Variants in GSTO2 observed in about 807,000 individuals in gnomAD.
GSTO2 encodes glutathione S-transferase omega-2.
GSTO2 carries 23 observed loss-of-function variants against 28.4 expected under a neutral mutation model. The ratio of observed to expected loss-of-function variants is 0.81; its 90% CI spans 0.58 to 1.15. The LOEUF is 1.15. GSTO2 is among the 50% of genes most tolerant of loss of function. The pLI, the probability that GSTO2 is intolerant of heterozygous loss-of-function variation, is 0.00. For synonymous variants in GSTO2, 109 were observed against 111.0 expected, an observed-to-expected ratio of 0.98 and a Z score of 0.11; for missense variants, 298 against 297.8, an observed-to-expected ratio of 1.00 and a Z score of 0.00.
In GSTO2 at chr10:104,272,535, A is replaced by G. The variant is rs548424135; in HGVS notation, c.-231-2150A>G. ...TAGTTGAGAAGTGCTTAACTATGCT[A>G]GTCTCAGTTTACTCATCTTTTAAAG... is the stretch of plus-strand genomic sequence containing the variant. On this transcript the variant is annotated intron_variant, in intron 1 of 6. Coordinates refer to ENST00000338595, the MANE Select transcript of GSTO2 (RefSeq NM_183239.2). Among the ~76,000 whole-genome samples, 11 of 138,530 alleles carry G rather than the reference A, an allele frequency of 7.9e-5. 1 individual carries two copies. Among genetic ancestry groups the G allele is most frequent in the African/African-American group, 2.9e-4 (11 of 38,404 alleles). The allele number at this position is 138,530 out of a possible 152,430, so 90.9% of individuals were successfully genotyped here. A position where few individuals can be genotyped will look rare whatever the true frequency, so the allele number is the denominator to read the frequency against.
At chr10:104,276,546 C>T (rs2011642021) in intron 3 of GSTO2, among the ~76,000 whole-genome samples, 1 of 152,204 alleles carries the variant, frequency 6.6e-6, no homozygotes, top group Admixed American at 6.5e-5. Context: ...CTATGCACTA[C>T]CTTCAGTTGT....
intron 5 of GSTO2, among the ~76,000 whole-genome samples, chr10:104,283,527 G>A (rs1045461902): frequency 6.6e-6 from 1 of 152,214 alleles, no homozygotes; most frequent in African/African-American, 2.4e-5. Context: ...TCTGGAGGCT[G>A]AGGCGGGAGC....
intron 1 of GSTO2, among the ~76,000 whole-genome samples, chr10:104,272,538 C>G (rs1196175189): frequency 1.5e-5 from 2 of 136,788 alleles, no homozygotes; most frequent in African/African-American, 2.7e-5. Context: ...CTATGCTAGT[C>G]TCAGTTTACT....
chr10:104,275,357 C>G, intron 3 of GSTO2, 23 bp downstream of exon 3: 2 of 1,611,392 alleles, frequency 1.2e-6, no homozygotes, highest in East Asian at 2.2e-5. Context: ...AACCCAGAGC[C>G]CCCGAGCAAA....
intron 1 of GSTO2, among the ~76,000 whole-genome samples, chr10:104,272,030 C>A (rs916658066): frequency 4.6e-5 from 7 of 152,160 alleles, no homozygotes; most frequent in Non-Finnish European, 8.8e-5. Flanking sequence ...ATATGAAATT[C>A]ACCAAGAGTG....
intron 5 of GSTO2, among the ~76,000 whole-genome samples, chr10:104,280,467 CG>C (rs1423250475): frequency 2.6e-5 from 4 of 152,198 alleles, no homozygotes; most frequent in African/African-American, 9.6e-5. Context: ...ATTTACATTT[CG>C]TTGGCCAGAA....
intron 5 of GSTO2, among the ~76,000 whole-genome samples, chr10:104,286,287 G>A (rs983949124): frequency 3.9e-5 from 6 of 152,184 alleles, no homozygotes; most frequent in Non-Finnish European, 5.9e-5. Flanking sequence ...GCTGTACGCA[G>A]CCACTGATCT....
intron 3 of GSTO2, 111 bp downstream of exon 3, chr10:104,275,445 C>T (rs2011587849): frequency 3.3e-6 from 3 of 912,712 alleles, no homozygotes; most frequent in Non-Finnish European, 4.9e-6. Context: ...CTCCCTGTCC[C>T]TTTTTTCGGA....
At chr10:104,289,438 G>A (rs2012649312) in intron 5 of GSTO2, among the ~76,000 whole-genome samples, 1 of 152,196 alleles carries the variant, frequency 6.6e-6, no homozygotes, top group Admixed American at 6.5e-5. Context: ...TCATTAAAAG[G>A]ATGCCAGCAT....
Position 104,300,775 on chromosome 10 carries a change from G to A in GSTO2, c.*1491G>A, listed in dbSNP as rs939534201. On this transcript the variant is annotated 3_prime_UTR_variant, in exon 7 of 7. Coordinates refer to ENST00000338595, the MANE Select transcript of GSTO2 (RefSeq NM_183239.2). ...GACACCAGGCAGCAACAGGAGCGAT[G>A]TTTTGCCTTGTCTGTGCTCCCTAAG... 2.0e-4 allele frequency: 30 copies of A among 152,340 alleles called. No individual in the cohort carries two copies. The highest frequency in any genetic ancestry group is 7.2e-4 in the African/African-American group (30 of 41,462). The allele number at this position is 152,340 out of a possible 1,614,324, so 9.4% of individuals were successfully genotyped here.
intron 5 of GSTO2, among the ~76,000 whole-genome samples, chr10:104,281,604 A>T (rs758819234): frequency 6.6e-6 from 1 of 152,180 alleles, no homozygotes; most frequent in Non-Finnish European, 1.5e-5. Flanking sequence ...TGTGCCATGA[A>T]TCGTGCTGCA....
At chr10:104,285,460 A>AT (rs995361539) in intron 5 of GSTO2, among the ~76,000 whole-genome samples, 2 of 151,240 alleles carry the variant, frequency 1.3e-5, no homozygotes, top group African/African-American at 4.9e-5. Flanking sequence ...TATTATAATT[A>AT]TTTTTTTGAG....
intron 5 of GSTO2, among the ~76,000 whole-genome samples, chr10:104,279,850 A>G (rs546809870): frequency 6.6e-6 from 1 of 152,160 alleles, no homozygotes; most frequent in South Asian, 2.1e-4. Context: ...CTCACATAAC[A>G]TTCTTTCTCA....
rs1006208363 is a variant in GSTO2 at position 104,289,069 on chromosome 10, A to G, written c.469-8509A>G. Among the ~76,000 whole-genome samples the G allele has an allele frequency of 5.9e-5, 9 of 152,190 alleles. No homozygotes were observed. The South Asian group carries it at 8.3e-4, about 14-fold the overall frequency. ...CCCTCCTAGCTTTTCCCCCCACACT[A>G]TCTTACAAATATATTGTGATTTGTT... is the stretch of plus-strand genomic sequence containing the variant. On this transcript the variant is annotated intron_variant, in intron 5 of 6. Coordinates refer to ENST00000338595, the MANE Select transcript of GSTO2 (RefSeq NM_183239.2).
chr10:104,293,472 G>A lies in GSTO2; in HGVS notation c.469-4106G>A, dbSNP rs1315927472. On this transcript the variant is annotated intron_variant, in intron 5 of 6. Transcript: ENST00000338595. ...AGATGGGGTCTCACCCTGTTGCCCA[G>A]GTTGGTCTCAAACTTCTGGGCTCAA... 5.9e-5 allele frequency among the ~76,000 whole-genome samples: 9 copies of A among 151,634 alleles called. No individual in the cohort carries two copies. The East Asian group carries it at 1.7e-3, about 29-fold the overall frequency.
At chr10:104,278,617 G>A (rs939672642) in intron 4 of GSTO2, among the ~76,000 whole-genome samples, 3 of 152,204 alleles carry the variant, frequency 2.0e-5, no homozygotes, top group Admixed American at 2.0e-4. Flanking sequence ...GAGTAGCTGG[G>A]ATTACAGGCG....
intron 5 of GSTO2, among the ~76,000 whole-genome samples, chr10:104,293,719 GC>G (rs2012894518): frequency 6.6e-6 from 1 of 151,674 alleles, no homozygotes; most frequent in Non-Finnish European, 1.5e-5. Context: ...GACTACAGGT[GC>G]CACCACCACG....
Position 104,279,780 on chromosome 10 carries a change from G to A in GSTO2, c.468+309G>A, listed in dbSNP as rs372038779. Among the ~76,000 whole-genome samples the A allele has an allele frequency of 3.3e-5, 5 of 152,214 alleles. No homozygotes were observed. In the East Asian group the frequency reaches 7.7e-4, roughly 24 times the overall value. On this transcript the variant is annotated intron_variant, in intron 5 of 6. Coordinates refer to ENST00000338595, the MANE Select transcript of GSTO2 (RefSeq NM_183239.2). ...TGAGGTCAAGGTCTGTAAAGGTTAG[G>A]GGTTGTGTTTGGCTGCTGAAGTCTA...
At chr10:104,274,997 A>T in intron 2 of GSTO2, 48 bp downstream of exon 2, 1 of 1,561,530 alleles carries the variant, frequency 6.4e-7, no homozygotes, top group South Asian at 1.2e-5. Flanking sequence ...CGCGTGACAG[A>T]AAATGTTGGC....
Sources: allele counts gnomAD v4.1 joint callset (sites outside exome capture counted in the v4.1 genomes callset), GRCh38; gene constraint gnomAD v4.1.1; transcripts MANE v1.5; gene names NCBI Gene and HGNC (gene_info 2026-07-23, HGNC 2026-07-21).